STRIP2: variants seen among roughly 807,000 people sequenced by gnomAD.
STRIP2 encodes striatin interacting protein 2, also known as striatin-interacting protein 2.
Under a neutral mutation model 107.1 loss-of-function variants are expected in STRIP2, and 84 were observed. The observed-to-expected ratio is 0.78, with a 90% confidence interval of 0.66 to 0.94. The LOEUF (loss-of-function observed/expected upper bound fraction) is 0.94. Ranked by LOEUF, STRIP2 falls within the 40% of genes least tolerant of loss-of-function variation. STRIP2 has a pLI of 0.00. For missense variants in STRIP2, 888 were observed against 1,034.2 expected (o/e 0.86, Z 1.94); for synonymous variants, 394 against 400.4 (o/e 0.98, Z 0.19).
At chr7:129,456,117 G>A (rs1039841081) in intron 8 of STRIP2, among the ~76,000 whole-genome samples, 1 of 141,456 alleles carries the variant, frequency 7.1e-6, no homozygotes, top group Admixed American at 7.1e-5. Context: ...CCTGGATGGT[G>A]TTCCTTAAAA....
At chr7:129,480,633 G>T (rs554796185) in intron 18 of STRIP2, 152 bp from the exon 19 acceptor site, 108 of 595,784 alleles carry the variant, frequency 1.8e-4, no homozygotes, top group Non-Finnish European at 2.8e-4. Context: ...CATGGGCTTT[G>T]GAGACTTCAG....
At chr7:129,476,598 C>T (rs1417640691) in intron 18 of STRIP2, among the ~76,000 whole-genome samples, 1 of 151,622 alleles carries the variant, frequency 6.6e-6, no homozygotes, top group Non-Finnish European at 1.5e-5. Flanking sequence ...GGCAGAGGTG[C>T]TCCCCACATC....
At chr7:129,442,275 C>A (rs2150987760) in intron 2 of STRIP2, among the ~76,000 whole-genome samples, 1 of 152,128 alleles carries the variant, frequency 6.6e-6, no homozygotes, top group East Asian at 1.9e-4. Context: ...GACAAAGGAT[C>A]AGTAACAAAG....
intron 3 of STRIP2, among the ~76,000 whole-genome samples, chr7:129,444,954 A>G (rs1355484739): frequency 6.6e-6 from 1 of 152,170 alleles, no homozygotes; most frequent in East Asian, 1.9e-4. Context: ...AGAAGAAGGA[A>G]ATACTCATGA....
rs775446984 is a variant in STRIP2, at chr7:129,456,141, C to CTTTTTTTTTTTTTTTTTTTTTTT, written c.835-290_835-289insTTTTTTTTTTTTTTTTTTTTTTT. Among the ~76,000 whole-genome samples, 2 of 81,008 alleles carry CTTTTTTTTTTTTTTTTTTTTTTT rather than the reference C, an allele frequency of 2.5e-5. 1 individual carries two copies. Among genetic ancestry groups the CTTTTTTTTTTTTTTTTTTTTTTT allele is most frequent in the Non-Finnish European group, 5.4e-5 (2 of 36,804 alleles). The allele number at this position is 81,008 out of a possible 152,430, so 53.1% of individuals were successfully genotyped here. ...TGTTCCTTAAAAAAGTCGATAGTTT[C>CTTTTTTTTTTTTTTTTTTTTTTT]TTTTTTTTCTTTTTTTTTTTTTTTG... On this transcript the variant is annotated intron_variant, in intron 8 of 20. Coordinates refer to ENST00000249344, the MANE Select transcript of STRIP2 (RefSeq NM_020704.3).
intron 6 of STRIP2, 48 bp downstream of exon 6, chr7:129,454,258 C>G: frequency 6.3e-7 from 1 of 1,589,196 alleles, no homozygotes; most frequent in Non-Finnish European, 8.6e-7. Context: ...TGATTAGCAC[C>G]TGGGTTACCT....
At chr7:129,441,258 G>T (rs551250206) in intron 2 of STRIP2, among the ~76,000 whole-genome samples, 1 of 152,276 alleles carries the variant, frequency 6.6e-6, no homozygotes, top group Admixed American at 6.5e-5. Context: ...GTACTTTTAT[G>T]CACTGCTAGA....
In STRIP2 at chr7:129,434,504, G is replaced by A. The variant is rs1310243093; in HGVS notation, c.32G>A (p.Gly11Asp). 4 of 1,518,102 alleles carry A rather than the reference G, an allele frequency of 2.6e-6. No homozygotes were observed. Among genetic ancestry groups the A allele is most frequent in the East Asian group, 2.6e-5 (1 of 38,852 alleles). The allele number at this position is 1,518,102 out of a possible 1,614,324, so 94.0% of individuals were successfully genotyped here. A position where few individuals can be genotyped will look rare whatever the true frequency, so the allele number is the denominator to read the frequency against. MEDPAAPGTG[G>D]PPANGNGNGG... ...GACCCCGCCGCGCCTGGGACCGGGGGCCCGCCCGCAAATGGCAATGGCAAC... is the reference window on the plus strand; with the variant it reads ...GACCCCGCCGCGCCTGGGACCGGGGACCCGCCCGCAAATGGCAATGGCAAC... Residue 11 changes from glycine to aspartate, a missense_variant, in exon 1 of 21, where the codon GGC becomes GAC. Coordinates refer to ENST00000249344, the MANE Select transcript of STRIP2 (RefSeq NM_020704.3).
At chr7:129,484,415 A>G (rs540623789) in intron 20 of STRIP2, 1 of 152,242 alleles carries the variant, frequency 6.6e-6, no homozygotes, top group Admixed American at 6.5e-5. Context: ...ATTGTATTTG[A>G]GAATTTTTGG....
chr7:129,454,462 G>A lies in STRIP2; in HGVS notation c.641G>A (p.Arg214His), dbSNP rs760184468. 1.4e-5 allele frequency: 22 copies of A among 1,613,934 alleles called. No individual in the cohort carries two copies. Among genetic ancestry groups the A allele is most frequent in the Admixed American group, 8.3e-5 (5 of 60,006 alleles). The change falls in exon 7 of 21, where the codon CGC becomes CAC. Residue 214 changes from arginine (R) to histidine (H), a missense_variant. By Grantham distance (29) the Arg-to-His change is conservative. Transcript: ENST00000249344. The part of the protein sequence containing the change: ...SVMYLMVENI[R>H]LERETDPCGW... ...ATGTACCTAATGGTGGAAAATATTC[G>A]CCTGGAGCGAGAGACAGACCCCTGT...
chr7:129,467,518 G>C, intron 17 of STRIP2, 68 bp downstream of exon 17: 1 of 1,149,094 alleles, frequency 8.7e-7, no homozygotes, highest in Non-Finnish European at 1.3e-6. Context: ...ACATCATCTC[G>C]GAGCCTTTCA....
intron 3 of STRIP2, among the ~76,000 whole-genome samples, chr7:129,444,689 TC>T (rs1554373961): frequency 1.3e-5 from 2 of 152,148 alleles, no homozygotes; most frequent in Non-Finnish European, 2.9e-5. Context: ...TCTCCTGAGA[TC>T]ATACATAATC....
intron 9 of STRIP2, among the ~76,000 whole-genome samples, chr7:129,457,847 AG>A (rs1464857406): frequency 6.6e-6 from 1 of 152,212 alleles, no homozygotes; most frequent in Non-Finnish European, 1.5e-5. Context: ...CCTCTTCCTC[AG>A]TCAGCCAGCT....
intron 4 of STRIP2, among the ~76,000 whole-genome samples, chr7:129,452,216 T>A (rs906235781): frequency 7.2e-5 from 11 of 152,104 alleles, no homozygotes; most frequent in Non-Finnish European, 1.0e-4. Context: ...GAGTGGATGC[T>A]GTGAGTAATT....
intron 2 of STRIP2, among the ~76,000 whole-genome samples, chr7:129,441,070 C>T (rs1240480897): frequency 6.6e-6 from 1 of 151,390 alleles, no homozygotes; most frequent in Non-Finnish European, 1.5e-5. Flanking sequence ...AAGAAATGGG[C>T]AAAGAATATA....
At chr7:129,474,855 G>T (rs977121511) in intron 18 of STRIP2, among the ~76,000 whole-genome samples, 1 of 152,144 alleles carries the variant, frequency 6.6e-6, no homozygotes, top group Admixed American at 6.5e-5. Flanking sequence ...AATTTGAACT[G>T]AATTCATTTC....
chr7:129,449,973 G>C (rs555915942), intron 3 of STRIP2, among the ~76,000 whole-genome samples: 2 of 152,238 alleles, frequency 1.3e-5, no homozygotes, highest in East Asian at 3.9e-4. Flanking sequence ...CTCCACATAT[G>C]GTCAAAGGTA....
rs118082018 is a variant in STRIP2 at position 129,446,072 on chromosome 7, G to A, written c.274+1974G>A. Among the ~76,000 whole-genome samples, 758 of 152,286 alleles carry A rather than the reference G, an allele frequency of 5.0e-3. 4 individuals are homozygous for A. Among genetic ancestry groups the A allele is most frequent in the Middle Eastern group, 0.027 (8 of 294 alleles). The stretch of plus-strand genomic sequence containing the variant: ...GCAAATTGGGCACTCAGCAGTGGCC[G>A]TAGCCAGGTCAACCTTGGTGAGTGG... On this transcript the variant is annotated intron_variant, in intron 3 of 20. Coordinates refer to ENST00000249344, the MANE Select transcript of STRIP2 (RefSeq NM_020704.3).
At position 129,453,317 on chromosome 7, in the gene STRIP2, C is replaced by T; in HGVS notation, c.500C>T (p.Thr167Ile). The T allele has an allele frequency of 1.2e-6, 2 of 1,614,152 alleles. No individual in the cohort carries two copies. The highest frequency in any genetic ancestry group is 1.7e-6 in the Non-Finnish European group (2 of 1,180,008). ...CTGTATCAGATGGGGACCTTCTCCA[C>T]CTTCCTGGAGCTACTCCACATGGAA... The part of the protein sequence containing the change: ...FLLYQMGTFS[T>I]FLELLHMEID... The change falls in exon 5 of 21, where the codon ACC (threonine) becomes ATC (isoleucine). Residue 167 changes from threonine (T) to isoleucine (I), a missense_variant. Coordinates refer to ENST00000249344, the MANE Select transcript of STRIP2 (RefSeq NM_020704.3).
Sources: gnomAD v4.1 joint callset for allele counts (sites outside exome capture counted in the v4.1 genomes callset) on GRCh38, gnomAD v4.1.1 for gene constraint, MANE v1.5 for transcripts, NCBI Gene and HGNC (gene_info 2026-07-23, HGNC 2026-07-21) for gene names.